Variants in SCFD2 observed in about 807,000 individuals in gnomAD.
SCFD2 encodes sec1 family domain-containing protein 2.
In SCFD2, 54 loss-of-function variants were observed where a neutral mutation model predicts 58.9. That is an observed-to-expected ratio of 0.92 (90% confidence interval 0.74 to 1.15). SCFD2 has a LOEUF of 1.15. SCFD2 is among the 50% of genes most tolerant of loss of function. The pLI is 0.00. For missense variants in SCFD2, 805 were observed against 836.6 expected, an observed-to-expected ratio of 0.96 and a Z score of 0.47; for synonymous variants, 321 against 335.9, an observed-to-expected ratio of 0.96 and a Z score of 0.49.
intron 5 of SCFD2, among the ~76,000 whole-genome samples, chr4:53,066,418 A>G (rs1315321407): frequency 6.6e-6 from 1 of 152,110 alleles, no homozygotes; most frequent in African/African-American, 2.4e-5. Context: ...TCAAAATCAG[A>G]ACAGTCAATG....
At chr4:53,352,203 A>G (rs1325933863) in intron 2 of SCFD2, among the ~76,000 whole-genome samples, 1 of 152,230 alleles carries the variant, frequency 6.6e-6, no homozygotes, top group African/African-American at 2.4e-5. Context: ...CTAATATAAA[A>G]AGATGGCATG....
intron 5 of SCFD2, among the ~76,000 whole-genome samples, chr4:53,130,068 C>T (rs1725742819): frequency 6.6e-6 from 1 of 152,098 alleles, no homozygotes; most frequent in African/African-American, 2.4e-5. Flanking sequence ...ATCCATGTAA[C>T]AAAATTAGAC....
intron 5 of SCFD2, among the ~76,000 whole-genome samples, chr4:53,034,496 A>G (rs1460885128): frequency 6.6e-6 from 1 of 152,238 alleles, no homozygotes; most frequent in East Asian, 1.9e-4. Context: ...AGAGAATGAA[A>G]TAAAGAGTAT....
intron 2 of SCFD2, among the ~76,000 whole-genome samples, chr4:53,330,439 T>C (rs1733405083): frequency 1.3e-5 from 2 of 152,072 alleles, no homozygotes; most frequent in Non-Finnish European, 2.9e-5. Flanking sequence ...GGGGGCAATA[T>C]TCAACATTCT....
intron 5 of SCFD2, among the ~76,000 whole-genome samples, chr4:53,072,039 T>C (rs1243360299): frequency 6.6e-6 from 1 of 152,112 alleles, no homozygotes; most frequent in Non-Finnish European, 1.5e-5. Flanking sequence ...CAGTGGTGTA[T>C]ACCCCACGTG....
At chr4:53,165,643 C>G (rs1726984718) in intron 4 of SCFD2, among the ~76,000 whole-genome samples, 1 of 152,132 alleles carries the variant, frequency 6.6e-6, no homozygotes. Context: ...CTCTATAGTC[C>G]TTTTCACCAT....
intron 2 of SCFD2, among the ~76,000 whole-genome samples, chr4:53,330,209 G>A (rs1244822871): frequency 6.6e-6 from 1 of 152,126 alleles, no homozygotes; most frequent in Non-Finnish European, 1.5e-5. Context: ...AATCTCGCAA[G>A]GCAAGCCAAC....
rs550124164 is a variant in SCFD2 at position 53,133,145 on chromosome 4, A to G, written c.1561+12188T>C. On this transcript the variant is annotated intron_variant, in intron 5 of 8. Coordinates refer to ENST00000401642, the MANE Select transcript of SCFD2 (RefSeq NM_152540.4). ...AGATCGAGACCATCCTGGCTAACAC[A>G]GTGAAACCCCGTCTCTACTAAAAAT... Among the ~76,000 whole-genome samples, 423 of 151,954 alleles carry G rather than the reference A, an allele frequency of 2.8e-3. 1 individual carries two copies. The highest frequency in any genetic ancestry group is 9.4e-3 in the African/African-American group (389 of 41,440).
intron 3 of SCFD2, among the ~76,000 whole-genome samples, chr4:53,298,720 A>G (rs990500363): frequency 6.6e-6 from 1 of 152,274 alleles, no homozygotes; most frequent in Admixed American, 6.5e-5. Flanking sequence ...GACACCTCAC[A>G]CAGCTGGGTA....
intron 5 of SCFD2, among the ~76,000 whole-genome samples, chr4:53,032,870 G>A (rs1722654133): frequency 6.6e-6 from 1 of 152,092 alleles, no homozygotes; most frequent in South Asian, 2.1e-4. Flanking sequence ...ATAATAGTAG[G>A]AGACTTTAAC....
rs571017553 is a variant in SCFD2, at chr4:52,975,390, C to A, written c.1562-54520G>T. Among the ~76,000 whole-genome samples the A allele has an allele frequency of 4.6e-5, 7 of 152,306 alleles. No homozygotes were observed. The South Asian group carries it at 1.4e-3, about 32-fold the overall frequency. On this transcript the variant is annotated intron_variant, in intron 5 of 8. Coordinates refer to ENST00000401642, the MANE Select transcript of SCFD2 (RefSeq NM_152540.4). ...TGAACAGACACTTCTCAAAGGAAGA[C>A]ATTTATGCAGCCAACAGACACATGA...
intron 5 of SCFD2, among the ~76,000 whole-genome samples, chr4:53,012,809 C>T (rs1282933720): frequency 7.5e-6 from 1 of 133,584 alleles, no homozygotes. Context: ...CCTCTCCCCT[C>T]CTTTCTGTGT....
At chr4:53,113,856 T>C (rs980447051) in intron 5 of SCFD2, among the ~76,000 whole-genome samples, 3 of 151,940 alleles carry the variant, frequency 2.0e-5, no homozygotes, top group Admixed American at 6.6e-5. Context: ...TTCTCACTAT[T>C]GTGAGAAGGC....
intron 5 of SCFD2, among the ~76,000 whole-genome samples, chr4:53,030,180 A>G (rs184884337): frequency 2.0e-5 from 3 of 152,340 alleles, no homozygotes; most frequent in African/African-American, 7.2e-5. Context: ...CTGATACTTT[A>G]CCTAAGAAGA....
At chr4:53,261,583 G>C (rs765233213) in intron 4 of SCFD2, among the ~76,000 whole-genome samples, 1 of 152,112 alleles carries the variant, frequency 6.6e-6, no homozygotes, top group African/African-American at 2.4e-5. Context: ...TGGTCTGAGA[G>C]AGTATCTACT....
At chr4:53,111,596 G>A (rs570053873) in intron 5 of SCFD2, among the ~76,000 whole-genome samples, 16 of 152,218 alleles carry the variant, frequency 1.1e-4, no homozygotes, top group South Asian at 1.0e-3. Context: ...GTCTCTGGAC[G>A]TATAATTGAG....
chr4:53,104,421 A>G (rs1019851345), intron 5 of SCFD2, among the ~76,000 whole-genome samples: 1 of 152,214 alleles, frequency 6.6e-6, no homozygotes, highest in African/African-American at 2.4e-5. Context: ...CCAAAAATAA[A>G]GAAAGTCTAA....
intron 3 of SCFD2, among the ~76,000 whole-genome samples, chr4:53,294,911 C>A (rs1185299118): frequency 6.6e-6 from 1 of 152,130 alleles, no homozygotes; most frequent in Admixed American, 6.5e-5. Flanking sequence ...TTCCCCATTG[C>A]TTGTTTTTGT....
Position 53,145,338 on chromosome 4 carries a change from AT to A in SCFD2, c.1555del (p.Ile519LeufsTer10). 6.2e-7 allele frequency: 1 copy of A among 1,613,868 alleles called. No homozygotes were observed. Among genetic ancestry groups the A allele is most frequent in the African/African-American group, 1.3e-5 (1 of 74,984 alleles). On this transcript the variant is annotated frameshift_variant, in exon 5 of 9. Coordinates refer to ENST00000401642, the MANE Select transcript of SCFD2 (RefSeq NM_152540.4). LOFTEE classifies it high-confidence loss of function. The part of the protein sequence containing the change: ...ESGLSPLLQK[I>X]TDWDSSINLT... ...TATCTTTGTTAGACACTCACCCGTA[AT>A]TTTTTGCAGCAAAGGTGACAATCCA...
Sources: gnomAD v4.1 joint callset for allele counts (sites outside exome capture counted in the v4.1 genomes callset) on GRCh38, gnomAD v4.1.1 for gene constraint, MANE v1.5 for transcripts, NCBI Gene and HGNC (gene_info 2026-07-23, HGNC 2026-07-21) for gene names.